The following LARGE1 variants were observed in gnomAD, a reference collection of about 807,000 sequenced individuals.
LARGE1 encodes the protein LARGE xylosyl- and glucuronyltransferase 1.
Under a neutral mutation model 87.6 loss-of-function variants are expected in LARGE1, and 43 were observed. That is an observed-to-expected ratio of 0.49 (90% CI 0.38 to 0.63). The LOEUF is 0.63. LARGE1 is among the 30% of genes least tolerant of loss of function. The probability of loss-of-function intolerance (pLI) is 0.00; values close to 1 mark genes in which losing one functional copy is unlikely to be tolerated. For synonymous variants in LARGE1, 434 were observed against 394.6 expected (o/e 1.10, Z -1.18); for missense variants, 802 against 1,000.2 (o/e 0.80, Z 2.67).
intron 6 of LARGE1, among the ~76,000 whole-genome samples, chr22:33,556,553 AGGG>A (rs2077689275): frequency 2.3e-4 from 6 of 25,736 alleles, no homozygotes; most frequent in Non-Finnish European, 4.6e-4. Flanking sequence ...GGAGGGAGGG[AGGG>A]AGGGAGGGAG....
intron 2 of LARGE1, among the ~76,000 whole-genome samples, chr22:33,744,567 G>A (rs895827622): frequency 1.3e-5 from 2 of 152,192 alleles, no homozygotes; most frequent in Non-Finnish European, 2.9e-5. Context: ...GCCTGCTGCC[G>A]TGATGCCCTC....
chr22:33,760,847 G>C (rs780841379), intron 2 of LARGE1, among the ~76,000 whole-genome samples: 69 of 152,260 alleles, frequency 4.5e-4, no homozygotes, highest in Non-Finnish European at 8.4e-4. Context: ...TTGAACTCGG[G>C]AGGCAGGGGT....
chr22:33,810,578 C>A (rs1271388936), intron 1 of LARGE1, among the ~76,000 whole-genome samples: 4 of 152,192 alleles, frequency 2.6e-5, no homozygotes, highest in Admixed American at 6.5e-5. Context: ...CTTTAAGAAC[C>A]ATTATGCGCC....
chr22:33,403,841 C>T (rs1248349458), intron 7 of LARGE1, among the ~76,000 whole-genome samples: 1 of 152,124 alleles, frequency 6.6e-6, no homozygotes, highest in Non-Finnish European at 1.5e-5. Flanking sequence ...TGATCTCAGG[C>T]GATCCACCCA....
At chr22:33,562,457 A>G (rs2077889673) in intron 6 of LARGE1, among the ~76,000 whole-genome samples, 1 of 152,222 alleles carries the variant, frequency 6.6e-6, no homozygotes. Context: ...GTGGGGGCCT[A>G]ACAAATGCTA....
chr22:33,475,092 A>G (rs1307113589), intron 6 of LARGE1, among the ~76,000 whole-genome samples: 4 of 152,190 alleles, frequency 2.6e-5, no homozygotes, highest in African/African-American at 9.7e-5. Flanking sequence ...AGGGAATGGC[A>G]TAGTCTACTC....
chr22:33,790,259 A>G (rs2085780531), intron 1 of LARGE1, among the ~76,000 whole-genome samples: 1 of 152,138 alleles, frequency 6.6e-6, no homozygotes, highest in Non-Finnish European at 1.5e-5. Flanking sequence ...TTCTGCCATG[A>G]TTGTGAGGCC....
intron 1 of LARGE1, among the ~76,000 whole-genome samples, chr22:33,782,352 T>C (rs2085449875): frequency 6.6e-6 from 1 of 152,188 alleles, no homozygotes; most frequent in Admixed American, 6.5e-5. Flanking sequence ...TGGCAGTGAC[T>C]GATAATGCAT....
chr22:33,562,684 G>A (rs956229453), intron 6 of LARGE1, among the ~76,000 whole-genome samples: 2 of 152,148 alleles, frequency 1.3e-5, no homozygotes, highest in African/African-American at 2.4e-5. Flanking sequence ...TGATATCAGC[G>A]TATTTAAAAT....
intron 6 of LARGE1, among the ~76,000 whole-genome samples, chr22:33,472,155 C>T (rs530415780): frequency 6.6e-6 from 1 of 152,242 alleles, no homozygotes; most frequent in East Asian, 1.9e-4. Flanking sequence ...TGATTTAGTG[C>T]CATGGGTTAA....
intron 11 of LARGE1, among the ~76,000 whole-genome samples, chr22:33,223,565 G>T (rs1234665015): frequency 6.6e-6 from 1 of 152,138 alleles, no homozygotes; most frequent in Non-Finnish European, 1.5e-5. Context: ...CTGTCCTGTG[G>T]TCAGTAAGTG....
intron 6 of LARGE1, among the ~76,000 whole-genome samples, chr22:33,552,924 G>A (rs1012239092): frequency 2.6e-5 from 4 of 152,062 alleles, no homozygotes; most frequent in African/African-American, 4.8e-5. Flanking sequence ...GCTGAATTGC[G>A]AAGTGCCTGG....
chr22:33,558,574 C>T (rs2077763292), intron 6 of LARGE1, among the ~76,000 whole-genome samples: 1 of 152,140 alleles, frequency 6.6e-6, no homozygotes, highest in African/African-American at 2.4e-5. Flanking sequence ...GATCACCCTG[C>T]TGATAAAGTA....
intron 1 of LARGE1, among the ~76,000 whole-genome samples, chr22:33,808,244 TG>T (rs1241641371): frequency 6.6e-6 from 1 of 152,260 alleles, no homozygotes; most frequent in African/African-American, 2.4e-5. Context: ...TGCATTTCCC[TG>T]ATGACAAACG....
At chr22:33,658,730 T>C (rs185645406) in intron 2 of LARGE1, among the ~76,000 whole-genome samples, 31 of 152,336 alleles carry the variant, frequency 2.0e-4, no homozygotes, top group Admixed American at 2.0e-3. Context: ...CTATTGGGAA[T>C]AGTGCTGCAA....
chr22:33,601,497 CAT>C (rs2079112250), intron 5 of LARGE1, among the ~76,000 whole-genome samples: 1 of 152,134 alleles, frequency 6.6e-6, no homozygotes, highest in Non-Finnish European at 1.5e-5. Context: ...TAAACTAAAA[CAT>C]AGACAGACTA....
At chr22:33,407,308 C>A (rs1251546050) in intron 7 of LARGE1, among the ~76,000 whole-genome samples, 1 of 152,282 alleles carries the variant, frequency 6.6e-6, no homozygotes, top group Admixed American at 6.5e-5. Context: ...TATAGGTGTG[C>A]ACCACTGTGC....
chr22:33,283,080 C>T, intron 13 of LARGE1, 122 bp downstream of exon 13: 1 of 1,233,546 alleles, frequency 8.1e-7, no homozygotes, highest in Non-Finnish European at 1.2e-6. Flanking sequence ...CGGTGCTTTC[C>T]TGGCCTCACA....
At chr22:33,855,059 G>A (rs1044461220) in intron 1 of LARGE1, among the ~76,000 whole-genome samples, 3 of 152,186 alleles carry the variant, frequency 2.0e-5, no homozygotes, top group Admixed American at 1.3e-4. Context: ...CTTAGGCTGG[G>A]CACGGTGGCT....
Sources: gnomAD v4.1 joint callset for allele counts (sites outside exome capture counted in the v4.1 genomes callset) on GRCh38, gnomAD v4.1.1 for gene constraint, MANE v1.5 for transcripts, NCBI Gene and HGNC (gene_info 2026-07-23, HGNC 2026-07-21) for gene names.